The following CNTNAP2 variants were observed in gnomAD, a reference collection of about 807,000 sequenced individuals.
CNTNAP2 encodes contactin-associated protein-like 2.
In CNTNAP2, 98 loss-of-function variants were observed where a neutral mutation model predicts 155.2. The ratio of observed to expected loss-of-function variants is 0.63; its 90% CI spans 0.54 to 0.75. The LOEUF is 0.75. CNTNAP2 is among the 30% of genes least tolerant of loss of function. CNTNAP2 has a pLI of 0.00. For missense variants in CNTNAP2, 1,727 were observed against 1,688.1 expected (o/e 1.02, Z -0.40); for synonymous variants, 651 against 631.2 (o/e 1.03, Z -0.47).
rs200216465 is a variant in CNTNAP2 at position 147,693,849 on chromosome 7, T to C, written c.2098+54543T>C. ...TACCTTTTCTTTTATTTTCTTGTCT[T>C]ATTGCATTAGCTAGGACTTTCAGTA... is the stretch of plus-strand genomic sequence containing the variant. On this transcript the variant is annotated intron_variant, in intron 13 of 23. Transcript: ENST00000361727. Among the ~76,000 whole-genome samples the C allele has an allele frequency of 5.3e-5, 8 of 152,158 alleles. No individual in the cohort carries two copies. In the East Asian group the frequency reaches 1.4e-3, roughly 26 times the overall value.
At chr7:147,792,382 T>C (rs1010447076) in intron 13 of CNTNAP2, among the ~76,000 whole-genome samples, 10 of 150,392 alleles carry the variant, frequency 6.6e-5, no homozygotes, top group African/African-American at 2.4e-4. Context: ...ACTTTCTGTA[T>C]CTATGGATTT....
At position 146,877,889 on chromosome 7, in the gene CNTNAP2, C is replaced by G. The variant is rs576704180; in HGVS notation, c.402+37985C>G. Among the ~76,000 whole-genome samples the G allele has an allele frequency of 2.8e-4, 43 of 151,994 alleles. 1 individual carries two copies. Among genetic ancestry groups the G allele is most frequent in the Admixed American group, 5.3e-4 (8 of 15,234 alleles). Reference sequence around the variant, plus strand: ...AATTATTTTCACTAAATCAAGTAATCGACTTTCATAAAATACAGTTCATTA... The same window carrying G: ...AATTATTTTCACTAAATCAAGTAATGGACTTTCATAAAATACAGTTCATTA... On this transcript the variant is annotated intron_variant, in intron 3 of 23. Coordinates refer to ENST00000361727, the MANE Select transcript of CNTNAP2 (RefSeq NM_014141.6).
chr7:147,798,936 T>C (rs1170298937), intron 13 of CNTNAP2, among the ~76,000 whole-genome samples: 2 of 152,184 alleles, frequency 1.3e-5, no homozygotes, highest in East Asian at 3.9e-4. Flanking sequence ...TCCCTCCATA[T>C]TGAATTTATC....
At chr7:147,816,100 C>A (rs1237976481) in intron 13 of CNTNAP2, among the ~76,000 whole-genome samples, 1 of 152,208 alleles carries the variant, frequency 6.6e-6, no homozygotes, top group Admixed American at 6.5e-5. Flanking sequence ...TCCCAAGCAA[C>A]AGCATGAGCA....
At chr7:147,649,272 G>T (rs1563038402) in intron 13 of CNTNAP2, among the ~76,000 whole-genome samples, 1 of 152,116 alleles carries the variant, frequency 6.6e-6, no homozygotes, top group African/African-American at 2.4e-5. Context: ...TCACTCTGTA[G>T]AGCTTGAAAA....
chr7:147,290,560 G>T (rs1327405227), intron 8 of CNTNAP2, among the ~76,000 whole-genome samples: 1 of 151,802 alleles, frequency 6.6e-6, no homozygotes, highest in Non-Finnish European at 1.5e-5. Flanking sequence ...GCTTGTGCCT[G>T]TAATCCCAGC....
chr7:146,461,247 A>G (rs1796631415), intron 1 of CNTNAP2, among the ~76,000 whole-genome samples: 1 of 142,584 alleles, frequency 7.0e-6, no homozygotes, highest in African/African-American at 2.8e-5. Flanking sequence ...CTAAAAATAC[A>G]AAAAAAAATT....
intron 9 of CNTNAP2, among the ~76,000 whole-genome samples, chr7:147,338,329 A>G (rs557178034): frequency 7.3e-6 from 1 of 136,790 alleles, no homozygotes; most frequent in Admixed American, 7.8e-5. Context: ...TGAAATTTTT[A>G]GCCTAAGTAT....
rs2906290 is a variant in CNTNAP2, at chr7:148,170,511, A to G, written c.2774-1731A>G. Among the ~76,000 whole-genome samples, 318 of 152,320 alleles carry G rather than the reference A, an allele frequency of 2.1e-3. 2 individuals are homozygous for G. The highest frequency in any genetic ancestry group is 7.5e-3 in the African/African-American group (310 of 41,574). On this transcript the variant is annotated intron_variant, in intron 17 of 23. Coordinates refer to ENST00000361727, the MANE Select transcript of CNTNAP2 (RefSeq NM_014141.6). ...AGATGGCAGAATGGGAAATCCTTCA[A>G]AGTAGTTGTTTTTAATAACTTCTTT...
chr7:146,301,548 C>T (rs1380451954), intron 1 of CNTNAP2, among the ~76,000 whole-genome samples: 1 of 151,982 alleles, frequency 6.6e-6, no homozygotes, highest in South Asian at 2.1e-4. Context: ...ATGGTGTGAA[C>T]CCGGGAGGCG....
In CNTNAP2 at chr7:147,599,791, C is replaced by T. The variant is rs1211346597; in HGVS notation, c.1897+37534C>T. On this transcript the variant is annotated intron_variant, in intron 12 of 23. Transcript: ENST00000361727. ...GGATACCAGTCATTGGATTAAGGCT[C>T]ATTCTTACTCTAACATGTTATCTTA... 3.3e-5 allele frequency among the ~76,000 whole-genome samples: 5 copies of T among 152,128 alleles called. No homozygotes were observed. In the South Asian group the frequency reaches 6.2e-4, roughly 19 times the overall value.
At chr7:147,432,417 G>T (rs908909560) in intron 10 of CNTNAP2, among the ~76,000 whole-genome samples, 4 of 152,190 alleles carry the variant, frequency 2.6e-5, no homozygotes, top group Admixed American at 1.3e-4. Context: ...TAGAAATCAT[G>T]CTGAAGTTTT....
At chr7:147,258,508 C>T (rs34967218) in intron 8 of CNTNAP2, among the ~76,000 whole-genome samples, 90,437 of 151,772 alleles carry the variant, frequency 0.6, 27,736 homozygotes, top group East Asian at 0.75. Flanking sequence ...AGCACAAGCA[C>T]GTATGATTGC....
In CNTNAP2 at chr7:147,732,464, C is replaced by A. The variant is rs1796759910; in HGVS notation, c.2098+93158C>A. Among the ~76,000 whole-genome samples, 3 of 152,098 alleles carry A rather than the reference C, an allele frequency of 2.0e-5. No homozygotes were observed. In the South Asian group the frequency reaches 6.2e-4, roughly 32 times the overall value. Reference sequence around the variant, plus strand: ...TTGGACATTTGGGTTGGTTCCAAGTCTTTGCTATTGTGAATAGTGCCACAA... The same window carrying A: ...TTGGACATTTGGGTTGGTTCCAAGTATTTGCTATTGTGAATAGTGCCACAA... On this transcript the variant is annotated intron_variant, in intron 13 of 23. Transcript: ENST00000361727.
intron 12 of CNTNAP2, among the ~76,000 whole-genome samples, chr7:147,609,200 A>G (rs772580871): frequency 6.6e-6 from 1 of 152,158 alleles, no homozygotes; most frequent in Non-Finnish European, 1.5e-5. Context: ...CAAACAAACA[A>G]ACAAACTTCT....
intron 3 of CNTNAP2, among the ~76,000 whole-genome samples, chr7:146,969,650 G>A (rs1366459806): frequency 6.7e-6 from 1 of 150,324 alleles, no homozygotes; most frequent in Admixed American, 6.6e-5. Flanking sequence ...CTTTTTTTTG[G>A]TTTCCATTTG....
chr7:147,330,083 G>C (rs1020161291), intron 9 of CNTNAP2, among the ~76,000 whole-genome samples: 10 of 152,070 alleles, frequency 6.6e-5, no homozygotes, highest in African/African-American at 2.4e-4. Context: ...CCCCTAGAAA[G>C]CCTCAAAATG....
chr7:146,537,095 A>C (rs1295585185), intron 1 of CNTNAP2, among the ~76,000 whole-genome samples: 8 of 152,138 alleles, frequency 5.3e-5, no homozygotes, highest in African/African-American at 1.7e-4. Flanking sequence ...AACAATTTAT[A>C]GTGCTAGGCA....
chr7:146,564,339 T>C (rs1798324802), intron 1 of CNTNAP2, among the ~76,000 whole-genome samples: 1 of 152,084 alleles, frequency 6.6e-6, no homozygotes. Flanking sequence ...AGGCAAATAA[T>C]TAATTTCTCT....
Sources: gnomAD v4.1 joint callset for allele counts (sites outside exome capture counted in the v4.1 genomes callset) on GRCh38, gnomAD v4.1.1 for gene constraint, MANE v1.5 for transcripts, NCBI Gene and HGNC (gene_info 2026-07-23, HGNC 2026-07-21) for gene names.